ANKRD6: variants seen among roughly 807,000 people sequenced by gnomAD.
ANKRD6 encodes the protein ankyrin repeat domain 6.
A neutral mutation model predicts 82.3 loss-of-function variants in ANKRD6; 56 were observed. The ratio of observed to expected loss-of-function variants is 0.68; its 90% CI spans 0.55 to 0.85. The LOEUF (loss-of-function observed/expected upper bound fraction) is 0.85, where lower values mean the gene tolerates loss of function less well. ANKRD6 is among the 40% of genes least tolerant of loss of function. The pLI, the probability that ANKRD6 is intolerant of heterozygous loss-of-function variation, is 0.00. For synonymous variants in ANKRD6, 347 were observed against 352.1 expected (o/e 0.99, Z 0.16); for missense variants, 852 against 907.6 (o/e 0.94, Z 0.79).
chr6:89,596,009 G>A lies in ANKRD6; in HGVS notation c.214G>A (p.Asp72Asn). 1.9e-6 allele frequency: 3 copies of A among 1,606,156 alleles called. No homozygotes were observed. Among genetic ancestry groups the A allele is most frequent in the Non-Finnish European group, 2.6e-6 (3 of 1,176,254 alleles). ...LKAGCDLDVQ[D>N]DGDQTALHRA... The stretch of plus-strand genomic sequence containing the variant: ...GGCTGGCTGCGACCTTGATGTCCAG[G>A]ATGATGTGAGTAGAAGCCATCATTC... The change falls in exon 3 of 16, where the codon GAT becomes AAT. Residue 72 changes from aspartate (D) to asparagine (N), a missense_variant. Physicochemically the swap from Asp to Asn is conservative, Grantham distance 23. Coordinates refer to ENST00000339746, the MANE Select transcript of ANKRD6 (RefSeq NM_001242809.2).
intron 1 of ANKRD6, among the ~76,000 whole-genome samples, chr6:89,534,101 C>T (rs1254219134): frequency 6.6e-6 from 1 of 152,040 alleles, no homozygotes; most frequent in African/African-American, 2.4e-5. Flanking sequence ...TTTTCTCTGC[C>T]AAGTCACAAT....
chr6:89,503,741 A>G (rs1324701958), intron 1 of ANKRD6, among the ~76,000 whole-genome samples: 3 of 152,244 alleles, frequency 2.0e-5, no homozygotes, highest in Non-Finnish European at 4.4e-5. Flanking sequence ...CAGAGAAGGC[A>G]TCACTGATTA....
At chr6:89,441,621 T>C (rs1015316337) in intron 1 of ANKRD6, among the ~76,000 whole-genome samples, 2 of 62,852 alleles carry the variant, frequency 3.2e-5, no homozygotes, top group Non-Finnish European at 5.9e-5. Flanking sequence ...TTTTCTTTCC[T>C]TTTTTTTTTT....
At chr6:89,563,202 A>C (rs952128994) in intron 1 of ANKRD6, among the ~76,000 whole-genome samples, 2 of 152,200 alleles carry the variant, frequency 1.3e-5, no homozygotes, top group African/African-American at 4.8e-5. Context: ...AAGAAAACTG[A>C]TTGCATCACA....
At chr6:89,570,262 C>T (rs982904128) in intron 2 of ANKRD6, among the ~76,000 whole-genome samples, 5 of 151,958 alleles carry the variant, frequency 3.3e-5, no homozygotes, top group Admixed American at 6.6e-5. Context: ...GGTCTCCCTA[C>T]GTTGCCCAGG....
intron 1 of ANKRD6, among the ~76,000 whole-genome samples, chr6:89,551,440 C>T (rs779828034): frequency 2.6e-5 from 4 of 152,166 alleles, no homozygotes; most frequent in African/African-American, 9.7e-5. Flanking sequence ...GGACTGTCCT[C>T]GCCCAGGGCT....
At chr6:89,604,283 G>C (rs954114360) in intron 4 of ANKRD6, among the ~76,000 whole-genome samples, 1 of 151,958 alleles carries the variant, frequency 6.6e-6, no homozygotes, top group Non-Finnish European at 1.5e-5. Flanking sequence ...AGCTGAGATC[G>C]TGCCATTGCA....
intron 1 of ANKRD6, among the ~76,000 whole-genome samples, chr6:89,556,402 A>G (rs752269206): frequency 6.6e-6 from 1 of 152,232 alleles, no homozygotes; most frequent in Non-Finnish European, 1.5e-5. Flanking sequence ...GCTGACTTGT[A>G]TAAAGTTATC....
At chr6:89,623,259 G>A (rs1804315085) in intron 10 of ANKRD6, 151 bp from the exon 11 acceptor site, 12 of 1,074,202 alleles carry the variant, frequency 1.1e-5, no homozygotes, top group Non-Finnish European at 1.5e-5. Context: ...AGACCACCAA[G>A]CAGTGTTTCC....
At chr6:89,505,163 G>A (rs755211183) in intron 1 of ANKRD6, among the ~76,000 whole-genome samples, 35 of 151,998 alleles carry the variant, frequency 2.3e-4, no homozygotes, top group Non-Finnish European at 3.2e-4. Flanking sequence ...TTCCTTACCC[G>A]GCATCTGTAT....
chr6:89,454,242 T>A (rs854863), intron 1 of ANKRD6, among the ~76,000 whole-genome samples: 29,501 of 152,196 alleles, frequency 0.19, 3,547 homozygotes, highest in Non-Finnish European at 0.27. Flanking sequence ...ATGGTGGTGA[T>A]GCTGACATTC....
chr6:89,524,574 A>G (rs1782240945), intron 1 of ANKRD6, among the ~76,000 whole-genome samples: 1 of 152,166 alleles, frequency 6.6e-6, no homozygotes, highest in African/African-American at 2.4e-5. Flanking sequence ...TTCAGCCATA[A>G]AAAGGAATGA....
intron 2 of ANKRD6, among the ~76,000 whole-genome samples, chr6:89,592,310 C>T (rs1191257052): frequency 6.6e-6 from 1 of 152,152 alleles, no homozygotes; most frequent in Non-Finnish European, 1.5e-5. Flanking sequence ...CTAAGGACAG[C>T]TGGAGGGAAG....
intron 1 of ANKRD6, among the ~76,000 whole-genome samples, chr6:89,479,724 A>T (rs1776553098): frequency 6.6e-6 from 1 of 151,622 alleles, no homozygotes; most frequent in Non-Finnish European, 1.5e-5. Flanking sequence ...TGCACCCATT[A>T]ACTCATCATT....
intron 3 of ANKRD6, chr6:89,602,749 G>C (rs1360762716): frequency 2.4e-6 from 1 of 422,572 alleles, no homozygotes; most frequent in East Asian, 4.1e-5. Context: ...GAGAGAGCCT[G>C]ACCCTCATTT....
intron 1 of ANKRD6, among the ~76,000 whole-genome samples, chr6:89,472,467 C>T (rs192541368): frequency 6.6e-5 from 10 of 152,200 alleles, no homozygotes; most frequent in Admixed American, 6.5e-4. Flanking sequence ...TTGAATTTTG[C>T]TCCCTTGTCT....
chr6:89,487,426 C>T (rs1332043526), intron 1 of ANKRD6, among the ~76,000 whole-genome samples: 3 of 152,144 alleles, frequency 2.0e-5, no homozygotes, highest in African/African-American at 7.2e-5. Flanking sequence ...AAAGAACAAA[C>T]AGCAGTTTAA....
chr6:89,550,212 A>G (rs1185231185), intron 1 of ANKRD6, among the ~76,000 whole-genome samples: 2 of 152,236 alleles, frequency 1.3e-5, no homozygotes, highest in Admixed American at 6.5e-5. Flanking sequence ...ATATTCACCA[A>G]GAGACATGCA....
chr6:89,606,324 G>A (rs1314322362), intron 5 of ANKRD6, among the ~76,000 whole-genome samples: 1 of 152,182 alleles, frequency 6.6e-6, no homozygotes, highest in African/African-American at 2.4e-5. Flanking sequence ...CCAAAACCCT[G>A]CTTATGTGAG....
Sources: gnomAD v4.1 joint callset for allele counts (sites outside exome capture counted in the v4.1 genomes callset) on GRCh38, gnomAD v4.1.1 for gene constraint, MANE v1.5 for transcripts, NCBI Gene and HGNC (gene_info 2026-07-23, HGNC 2026-07-21) for gene names.